The following MYO5B variants were observed in gnomAD, a reference collection of about 807,000 sequenced individuals.
MYO5B encodes myosin VB, also known as unconventional myosin-Vb.
Under a neutral mutation model 229.3 loss-of-function variants are expected in MYO5B, and 143 were observed. The ratio of observed to expected loss-of-function variants is 0.62; its 90% CI spans 0.54 to 0.72. The LOEUF is 0.72. Ranked by LOEUF, MYO5B falls within the 30% of genes least tolerant of loss-of-function variation. The pLI is 0.00. For synonymous variants in MYO5B, 918 were observed against 885.2 expected (o/e 1.04, Z -0.66); for missense variants, 2,321 against 2,331.0 (o/e 1.00, Z 0.09).
chr18:49,857,280 T>G (rs986299269), intron 29 of MYO5B, among the ~76,000 whole-genome samples: 11 of 152,128 alleles, frequency 7.2e-5, no homozygotes, highest in African/African-American at 4.8e-5. Flanking sequence ...TCAATCAGAT[T>G]GATTCAGACA....
At chr18:50,133,786 C>T (rs746531314) in intron 1 of MYO5B, among the ~76,000 whole-genome samples, 9 of 152,246 alleles carry the variant, frequency 5.9e-5, no homozygotes, top group South Asian at 2.1e-4. Flanking sequence ...CCTGGGACTC[C>T]GCATTCTTCA....
intron 1 of MYO5B, among the ~76,000 whole-genome samples, chr18:50,125,915 G>A (rs564742074): frequency 1.1e-4 from 16 of 152,320 alleles, no homozygotes; most frequent in African/African-American, 3.8e-4. Context: ...GGACAAGACT[G>A]TATGACTCCA....
At chr18:49,898,824 G>A (rs1033182437) in intron 21 of MYO5B, among the ~76,000 whole-genome samples, 1 of 152,128 alleles carries the variant, frequency 6.6e-6, no homozygotes, top group Non-Finnish European at 1.5e-5. Context: ...AATGTTGGGT[G>A]CTAGCCTTAC....
chr18:50,084,081 T>C (rs965026336), intron 1 of MYO5B, among the ~76,000 whole-genome samples: 4 of 152,158 alleles, frequency 2.6e-5, no homozygotes, highest in African/African-American at 9.7e-5. Context: ...CATGGCGTAA[T>C]AACGTTTTCA....
intron 1 of MYO5B, among the ~76,000 whole-genome samples, chr18:50,158,922 G>T (rs1028549968): frequency 6.6e-6 from 1 of 152,090 alleles, no homozygotes; most frequent in Non-Finnish European, 1.5e-5. Context: ...ATGAATCTAC[G>T]CCTGTGCTAC....
At chr18:50,014,630 TTTAAGTGTCCCCACTG>T (rs1771744401) in intron 4 of MYO5B, among the ~76,000 whole-genome samples, 1 of 152,144 alleles carries the variant, frequency 6.6e-6, no homozygotes, top group Non-Finnish European at 1.5e-5. Context: ...GTCAGAGCTT[TTTAAGTGTCCCCACTG>T]TACCATTCTG....
chr18:49,957,142 C>CAAAAAAAAAAAAAAAAAAAA (rs71169467), intron 12 of MYO5B, among the ~76,000 whole-genome samples: 8 of 58,716 alleles, frequency 1.4e-4, no homozygotes, highest in Admixed American at 2.3e-4. Flanking sequence ...AATAAAGTAG[C>CAAAAAAAAAAAAAAAAAAAA]AAAAAAAAAA....
chr18:49,873,068 T>C (rs917756456), intron 26 of MYO5B, among the ~76,000 whole-genome samples: 8 of 152,156 alleles, frequency 5.3e-5, no homozygotes, highest in Non-Finnish European at 1.2e-4. Flanking sequence ...CCGCAGGTAG[T>C]AGAGATGGCC....
rs191364053 is a variant in MYO5B, at chr18:49,861,994, T to C, written c.3944+1233A>G. On this transcript the variant is annotated intron_variant, in intron 29 of 39. Coordinates refer to ENST00000285039, the MANE Select transcript of MYO5B (RefSeq NM_001080467.3). ...GTAGCCAGGGAAGAGGCCAGCTCCA[T>C]GTTTTTTTTTTTTTTTTTTGGAGAC... Among the ~76,000 whole-genome samples, 1,033 of 144,776 alleles carry C rather than the reference T, an allele frequency of 7.1e-3. 10 individuals are homozygous for C. The highest frequency in any genetic ancestry group is 0.024 in the African/African-American group (960 of 39,362). 95.0% of individuals were successfully genotyped at this position (144,776 alleles called of 152,430 possible). A position where few individuals can be genotyped will look rare whatever the true frequency, so the allele number is the denominator to read the frequency against.
intron 29 of MYO5B, among the ~76,000 whole-genome samples, chr18:49,859,477 C>A (rs1020327422): frequency 6.6e-6 from 1 of 152,214 alleles, no homozygotes; most frequent in African/African-American, 2.4e-5. Flanking sequence ...AAAAAGCCCA[C>A]TGTGTGCTCC....
At chr18:50,159,404 A>G (rs2032729917) in intron 1 of MYO5B, among the ~76,000 whole-genome samples, 1 of 152,152 alleles carries the variant, frequency 6.6e-6, no homozygotes, top group African/African-American at 2.4e-5. Context: ...CATGTTTATT[A>G]CCTTCTTCAA....
intron 1 of MYO5B, among the ~76,000 whole-genome samples, chr18:50,072,218 A>T (rs191713157): frequency 6.6e-6 from 1 of 151,742 alleles, no homozygotes; most frequent in Non-Finnish European, 1.5e-5. Flanking sequence ...AACTTACATA[A>T]CCAGGAACCA....
At chr18:50,035,378 T>C (rs1598968949) in intron 4 of MYO5B, among the ~76,000 whole-genome samples, 1 of 152,202 alleles carries the variant, frequency 6.6e-6, no homozygotes, top group Non-Finnish European at 1.5e-5. Context: ...CACATCTACC[T>C]TCTCTTTCAG....
chr18:49,838,767 C>T (rs1473891562), intron 36 of MYO5B, among the ~76,000 whole-genome samples: 1 of 152,190 alleles, frequency 6.6e-6, no homozygotes, highest in East Asian at 1.9e-4. Flanking sequence ...CTGCTGTGTC[C>T]TTTCGCATGA....
At chr18:49,979,730 T>C (rs2025794072) in intron 9 of MYO5B, among the ~76,000 whole-genome samples, 1 of 152,150 alleles carries the variant, frequency 6.6e-6, no homozygotes, top group Non-Finnish European at 1.5e-5. Flanking sequence ...ATAAGAGGTA[T>C]AGAATAAACA....
In MYO5B at chr18:49,974,531, G is replaced by C. The variant is rs779292358; in HGVS notation, c.1141C>G (p.Leu381Val). Residue 381 changes from leucine (L) to valine (V), a missense_variant, in exon 10 of 40, where the codon CTG (leucine) becomes GTG (valine). Leu to Val is a conservative substitution (Grantham distance 32). Around this residue, in one of 2 missense-constraint regions of MYO5B, gnomAD observed 2,113 missense variants for 2,044.7 expected, o/e 1.03. Coordinates refer to ENST00000285039, the MANE Select transcript of MYO5B (RefSeq NM_001080467.3). Reference sequence around the variant, plus strand: ...ACGTAGGTCTCCGAGGTGGTGACCAGCTTGCGATGACACAGCCAGTGCTCC... The same window carrying C: ...ACGTAGGTCTCCGAGGTGGTGACCACCTTGCGATGACACAGCCAGTGCTCC... Reference protein sequence around the residue: ...QMEHWLCHRKLVTTSETYVKT... With the variant: ...QMEHWLCHRKVVTTSETYVKT... The C allele has an allele frequency of 6.2e-7, 1 of 1,614,168 alleles. No homozygotes were observed. Among genetic ancestry groups the C allele is most frequent in the Non-Finnish European group, 8.5e-7 (1 of 1,180,022 alleles).
intron 17 of MYO5B, among the ~76,000 whole-genome samples, chr18:49,917,155 C>T (rs191969413): frequency 1.7e-4 from 26 of 152,308 alleles, no homozygotes; most frequent in Admixed American, 1.6e-3. Context: ...TGGATATGTT[C>T]ATGCAGGGGT....
chr18:49,979,019 C>G (rs1044652044), intron 9 of MYO5B, among the ~76,000 whole-genome samples: 1 of 152,172 alleles, frequency 6.6e-6, no homozygotes, highest in Non-Finnish European at 1.5e-5. Flanking sequence ...TGCTCTATGC[C>G]TTTCTTATCA....
At chr18:50,027,078 T>G (rs977344917) in intron 4 of MYO5B, among the ~76,000 whole-genome samples, 1 of 152,164 alleles carries the variant, frequency 6.6e-6, no homozygotes, top group Admixed American at 6.5e-5. Context: ...AAATACACAG[T>G]AGAAAAAGAA....
Sources: allele counts gnomAD v4.1 joint callset (sites outside exome capture counted in the v4.1 genomes callset), GRCh38; gene constraint gnomAD v4.1.1; regional missense constraint gnomAD v4.1.1; transcripts MANE v1.5; gene names NCBI Gene and HGNC (gene_info 2026-07-23, HGNC 2026-07-21).